Variants in WDR7 observed in about 807,000 individuals in gnomAD.
The protein encoded by WDR7 is WD repeat-containing protein 7.
WDR7 carries 46 observed loss-of-function variants against 169.4 expected under a neutral mutation model. The observed-to-expected ratio is 0.27, with a 90% CI of 0.21 to 0.35. The LOEUF is 0.35. WDR7 is among the 10% of genes least tolerant of loss of function. The pLI, the probability that WDR7 is intolerant of heterozygous loss-of-function variation, is 1.00. For synonymous variants in WDR7, 612 were observed against 666.8 expected (o/e 0.92, Z 1.27); for missense variants, 1,534 against 1,859.3 (o/e 0.83, Z 3.22).
rs2048384213 is a variant in WDR7, at chr18:57,027,523, A to G, written c.*316A>G. The G allele has an allele frequency of 2.5e-6, 1 of 397,032 alleles. No homozygotes were observed. Among genetic ancestry groups the G allele is most frequent in the African/African-American group, 2.1e-5 (1 of 48,744 alleles). 24.6% of individuals were successfully genotyped at this position (397,032 alleles called of 1,614,324 possible). ...TCTTGTTGCTTGGTGCAACAGAAGC[A>G]CAAAAATCAATAAACACTGTGATTG... On this transcript the variant is annotated 3_prime_UTR_variant, in exon 28 of 28. Transcript: ENST00000254442.
chr18:56,682,913 A>G (rs541870791), intron 5 of WDR7, 60 bp downstream of exon 5: 6 of 1,491,936 alleles, frequency 4.0e-6, no homozygotes, highest in Admixed American at 2.1e-5. Flanking sequence ...AGTTTACTAG[A>G]ACATTCTACA....
chr18:56,705,940 G>T (rs1014723376), intron 12 of WDR7, among the ~76,000 whole-genome samples: 2 of 152,360 alleles, frequency 1.3e-5, no homozygotes, highest in South Asian at 4.1e-4. Context: ...GGAGGTTGCA[G>T]TGAGCTGAGA....
chr18:56,745,309 A>G (rs2144876825), intron 14 of WDR7, among the ~76,000 whole-genome samples: 1 of 152,316 alleles, frequency 6.6e-6, no homozygotes, highest in East Asian at 1.9e-4. Flanking sequence ...CAGTGTTCAT[A>G]TGCAGTAAAA....
chr18:57,017,322 G>C (rs990574238), intron 26 of WDR7, among the ~76,000 whole-genome samples: 4 of 152,170 alleles, frequency 2.6e-5, no homozygotes, highest in Non-Finnish European at 5.9e-5. Context: ...CGAGACAGCA[G>C]GTCTGTCTGT....
chr18:56,803,971 A>G (rs980925147), intron 19 of WDR7, among the ~76,000 whole-genome samples: 7 of 152,092 alleles, frequency 4.6e-5, no homozygotes, highest in Admixed American at 3.9e-4. Context: ...TAATGTTTGT[A>G]TTCTTTTGTA....
At chr18:56,886,535 A>G (rs1327973728) in intron 21 of WDR7, among the ~76,000 whole-genome samples, 2 of 152,224 alleles carry the variant, frequency 1.3e-5, no homozygotes, top group African/African-American at 4.8e-5. Context: ...TCCTGAAAAC[A>G]TAAATCTCAC....
chr18:57,006,043 A>C (rs2145901227), intron 26 of WDR7, among the ~76,000 whole-genome samples: 1 of 152,370 alleles, frequency 6.6e-6, no homozygotes, highest in East Asian at 1.9e-4. Context: ...TTACTCCTAA[A>C]GGAAAATATT....
intron 20 of WDR7, among the ~76,000 whole-genome samples, chr18:56,868,778 G>A (rs2045914844): frequency 6.6e-6 from 1 of 152,100 alleles, no homozygotes; most frequent in Non-Finnish European, 1.5e-5. Context: ...ACAATTTGTA[G>A]TTTCTTAAAT....
intron 25 of WDR7, among the ~76,000 whole-genome samples, chr18:56,958,297 G>T (rs1429749933): frequency 6.6e-6 from 1 of 152,100 alleles, no homozygotes; most frequent in African/African-American, 2.4e-5. Context: ...GAACTGGATT[G>T]TATCACTCCT....
intron 1 of WDR7, among the ~76,000 whole-genome samples, chr18:56,660,672 A>C (rs1368688469): frequency 6.8e-6 from 1 of 147,392 alleles, no homozygotes; most frequent in East Asian, 2.0e-4. Context: ...AAAAAAAAAA[A>C]AGAAAGAAAA....
At chr18:57,020,954 C>G in intron 27 of WDR7, 105 bp downstream of exon 27, 2 of 939,100 alleles carry the variant, frequency 2.1e-6, no homozygotes, top group Non-Finnish European at 3.3e-6. Flanking sequence ...CCTGTCCTCC[C>G]TCCCTCCTTG....
chr18:57,004,600 C>T (rs75317004), intron 26 of WDR7, among the ~76,000 whole-genome samples: 3,917 of 152,134 alleles, frequency 0.026, 80 homozygotes, highest in African/African-American at 0.057. Flanking sequence ...ACACTGCAAC[C>T]TACTAAACGT....
chr18:56,942,375 C>T (rs941460802), intron 25 of WDR7, among the ~76,000 whole-genome samples: 1 of 152,110 alleles, frequency 6.6e-6, no homozygotes, highest in Non-Finnish European at 1.5e-5. Flanking sequence ...AGTTGGGGAT[C>T]TTATCTCCCT....
At chr18:56,858,232 C>G (rs979860374) in intron 20 of WDR7, among the ~76,000 whole-genome samples, 11 of 152,256 alleles carry the variant, frequency 7.2e-5, no homozygotes, top group African/African-American at 2.4e-4. Flanking sequence ...CTCTTTAGCT[C>G]AGACTTTTTA....
At chr18:56,675,884 A>G (rs1568130745) in intron 2 of WDR7, among the ~76,000 whole-genome samples, 1 of 151,724 alleles carries the variant, frequency 6.6e-6, no homozygotes. Context: ...CTGGGGTGCA[A>G]TGATAGCTTA....
At chr18:56,735,296 C>T (rs866700207) in intron 14 of WDR7, among the ~76,000 whole-genome samples, 1 of 152,036 alleles carries the variant, frequency 6.6e-6, no homozygotes, top group African/African-American at 2.4e-5. Context: ...ATTTCAGAAA[C>T]CAAAACCCGG....
chr18:56,809,615 A>G (rs1271776661), intron 19 of WDR7, among the ~76,000 whole-genome samples: 1 of 151,760 alleles, frequency 6.6e-6, no homozygotes, highest in Non-Finnish European at 1.5e-5. Flanking sequence ...TTGCAAGGAT[A>G]TTTCATTTTC....
At chr18:56,943,579 GAAT>G (rs1310965809) in intron 25 of WDR7, among the ~76,000 whole-genome samples, 3 of 151,944 alleles carry the variant, frequency 2.0e-5, no homozygotes, top group Non-Finnish European at 4.4e-5. Context: ...ATCTCTCTAA[GAAT>G]AATGTGAAAA....
At chr18:56,769,545 T>G (rs1169412828) in intron 16 of WDR7, among the ~76,000 whole-genome samples, 1 of 152,238 alleles carries the variant, frequency 6.6e-6, no homozygotes, top group Non-Finnish European at 1.5e-5. Flanking sequence ...ATTAATCTCA[T>G]GACGTAAGTC....
Sources: gnomAD v4.1 joint callset for allele counts (sites outside exome capture counted in the v4.1 genomes callset) on GRCh38, gnomAD v4.1.1 for gene constraint, MANE v1.5 for transcripts, NCBI Gene and HGNC (gene_info 2026-07-23, HGNC 2026-07-21) for gene names.